Variants in CNMD observed in about 807,000 individuals in gnomAD.
CNMD encodes the protein chondromodulin.
A neutral mutation model predicts 37.5 loss-of-function variants in CNMD; 30 were observed. The ratio of observed to expected loss-of-function variants is 0.80; its 90% confidence interval spans 0.60 to 1.09. The LOEUF (loss-of-function observed/expected upper bound fraction) is 1.09. Among genes scored for constraint, CNMD ranks in the 50% least tolerant of loss-of-function variants. The pLI is 0.00. For synonymous variants in CNMD, 167 were observed against 148.2 expected (o/e 1.13, Z -0.92); for missense variants, 398 against 423.9 (o/e 0.94, Z 0.54).
chr13:52,712,861 C>A lies in CNMD; in HGVS notation c.477G>T (p.Lys159Asn). ...KQSISSKLEG[K>N]IMPVKYEENS... The stretch of plus-strand genomic sequence containing the variant: ...TTTCTTCATATTTGACTGGCATGAT[C>A]TTGCCTTCCTGAAAGTAAAAACGAT... The change falls in exon 5 of 7, where the codon AAG (lysine) becomes AAT (asparagine). Residue 159 changes from lysine to asparagine, a missense_variant. Physicochemically the swap from Lys to Asn is moderately conservative, Grantham distance 94. Transcript: ENST00000377962. 5 of 1,559,494 alleles carry A rather than the reference C, an allele frequency of 3.2e-6. No individual in the cohort carries two copies. The highest frequency in any genetic ancestry group is 3.5e-6 in the Non-Finnish European group (4 of 1,157,670).
intron 4 of CNMD, among the ~76,000 whole-genome samples, chr13:52,723,386 C>G (rs963749958): frequency 3.9e-5 from 6 of 152,176 alleles, no homozygotes; most frequent in Non-Finnish European, 8.8e-5. Context: ...AGCCACCATG[C>G]CTGCCTCTAT....
In CNMD at chr13:52,739,489, C is replaced by A; in HGVS notation, c.72+141G>T. 1.3e-6 allele frequency: 1 copy of A among 780,402 alleles called. No homozygotes were observed. Among genetic ancestry groups the A allele is most frequent in the African/African-American group, 1.7e-5 (1 of 58,586 alleles). The allele number at this position is 780,402 out of a possible 1,614,324, so 48.3% of individuals were successfully genotyped here. On this transcript the variant is annotated intron_variant, in intron 1 of 6. Transcript: ENST00000377962. This position sits in a 1 kb window ranked among gnomAD's most constrained non-coding sequence, Gnocchi z 5.4. ...CTGCACACTCATACGCGTGGGGCGA[C>A]ATCCCACCCACACATTTGGGACCCA...
At chr13:52,723,712 T>G (rs1964520761) in intron 4 of CNMD, among the ~76,000 whole-genome samples, 1 of 151,822 alleles carries the variant, frequency 6.6e-6, no homozygotes. Context: ...GGCAGGTCAC[T>G]TGAGGCCAGG....
chr13:52,730,944 A>T (rs1465509687), intron 3 of CNMD, among the ~76,000 whole-genome samples: 1 of 151,812 alleles, frequency 6.6e-6, no homozygotes, highest in Non-Finnish European at 1.5e-5. Context: ...ACAATTCAAA[A>T]CCTTTTATAA....
intron 2 of CNMD, among the ~76,000 whole-genome samples, chr13:52,735,347 C>T (rs1455936317): frequency 6.9e-6 from 1 of 145,754 alleles, no homozygotes. Flanking sequence ...GTGTCTTCCA[C>T]TCATATGACA....
intron 2 of CNMD, among the ~76,000 whole-genome samples, chr13:52,735,527 C>T (rs1364412094): frequency 1.3e-5 from 2 of 152,114 alleles, no homozygotes; most frequent in Admixed American, 6.5e-5. Flanking sequence ...TCCACCACTA[C>T]CCCTGGCTGT....
At chr13:52,736,516 G>C (rs946111941) in intron 2 of CNMD, among the ~76,000 whole-genome samples, 3 of 152,176 alleles carry the variant, frequency 2.0e-5, no homozygotes, top group African/African-American at 7.2e-5. Context: ...GGGAGGATGT[G>C]GGGGGAGGAG....
Position 52,712,726 on chromosome 13 carries a change from G to C in CNMD, c.612C>G (p.Thr204=), listed in dbSNP as rs747220935. 2.6e-6 allele frequency: 4 copies of C among 1,518,342 alleles called. No individual in the cohort carries two copies. In the South Asian group the frequency reaches 5.5e-5, roughly 21 times the overall value. 94.1% of individuals were successfully genotyped at this position (1,518,342 alleles called of 1,614,324 possible). A position where few individuals can be genotyped will look rare whatever the true frequency, so the allele number is the denominator to read the frequency against. ...AATTTAAAATGTTACCTTTTGGATA[G>C]GTTGGTTTAAGCCAGAAAATAGGAA... The part of the protein sequence containing the change: ...GDLPIFWLKP[T]YPKEIQRERR... Residue 204 remains threonine, a synonymous_variant, in exon 5 of 7, where the codon ACC becomes ACG. Transcript: ENST00000377962.
At chr13:52,711,261 G>A (rs1964285495) in intron 5 of CNMD, among the ~76,000 whole-genome samples, 1 of 152,130 alleles carries the variant, frequency 6.6e-6, no homozygotes, top group African/African-American at 2.4e-5. Context: ...GCAGACTCTT[G>A]TCCTCAGCTG....
intron 5 of CNMD, among the ~76,000 whole-genome samples, chr13:52,710,893 C>T (rs1337374880): frequency 6.6e-6 from 1 of 152,110 alleles, no homozygotes; most frequent in African/African-American, 2.4e-5. Context: ...GCTCTTTCCC[C>T]AAGTGAGAAA....
At chr13:52,708,848 T>TA (rs1964243580) in intron 5 of CNMD, 146 bp from the exon 6 acceptor site, 5 of 621,086 alleles carry the variant, frequency 8.1e-6, no homozygotes, top group Non-Finnish European at 1.1e-5. Context: ...ATGTTTGTAG[T>TA]AATAAAACAT....
intron 4 of CNMD, among the ~76,000 whole-genome samples, chr13:52,716,618 C>T (rs939450412): frequency 2.6e-5 from 4 of 152,086 alleles, no homozygotes; most frequent in Admixed American, 6.6e-5. Context: ...CTTTCCCCAT[C>T]GCTTGTTTTT....
intron 3 of CNMD, among the ~76,000 whole-genome samples, chr13:52,724,417 CAAAAAAAAA>C (rs71094319): frequency 8.2e-5 from 7 of 85,816 alleles, no homozygotes; most frequent in South Asian, 9.3e-4. Context: ...ACTAAAAATA[CAAAAAAAAA>C]AAAAAAAAAA....
chr13:52,709,258 A>G (rs1964250797), intron 5 of CNMD, among the ~76,000 whole-genome samples: 1 of 152,198 alleles, frequency 6.6e-6, no homozygotes, highest in Non-Finnish European at 1.5e-5. Context: ...CCAGCATGCT[A>G]CAGGTAGTAA....
intron 3 of CNMD, among the ~76,000 whole-genome samples, chr13:52,727,227 C>T (rs1964589742): frequency 6.6e-6 from 1 of 152,064 alleles, no homozygotes; most frequent in Non-Finnish European, 1.5e-5. Flanking sequence ...TGAAATGGCA[C>T]CACCGCACTT....
At chr13:52,704,672 T>C (rs1964145570) in intron 6 of CNMD, among the ~76,000 whole-genome samples, 1 of 152,168 alleles carries the variant, frequency 6.6e-6, no homozygotes, top group Admixed American at 6.5e-5. Context: ...TTTAAATTCT[T>C]GATTCAATTT....
intron 5 of CNMD, 76 bp from the exon 6 acceptor site, chr13:52,708,778 A>G (rs958227956): frequency 7.3e-6 from 9 of 1,231,684 alleles, no homozygotes; most frequent in Non-Finnish European, 1.0e-5. Flanking sequence ...CAGGGTGAAA[A>G]ACATAAGAAA....
chr13:52,724,417 CAAAAAAAA>C (rs71094319), intron 3 of CNMD, among the ~76,000 whole-genome samples: 9 of 85,850 alleles, frequency 1.0e-4, no homozygotes, highest in African/African-American at 4.4e-4. Context: ...ACTAAAAATA[CAAAAAAAA>C]AAAAAAAAAA....
chr13:52,739,197 C>G lies in CNMD; in HGVS notation c.73-26G>C. On this transcript the variant is annotated intron_variant, in intron 1 of 6. Coordinates refer to ENST00000377962, the MANE Select transcript of CNMD (RefSeq NM_007015.3). The surrounding 1 kb of genome is among the most constrained non-coding windows in gnomAD (Gnocchi z 5.4). ...CTGCGGGCCGGGGCGGGAGAGGGAC[C>G]GTCGCGTTTGTGCCGCCAGCACCTG... 2 of 1,453,296 alleles carry G rather than the reference C, an allele frequency of 1.4e-6. No homozygotes were observed. Among genetic ancestry groups the G allele is most frequent in the Non-Finnish European group, 9.0e-7 (1 of 1,107,536 alleles). The allele number at this position is 1,453,296 out of a possible 1,614,324, so 90.0% of individuals were successfully genotyped here. A position where few individuals can be genotyped will look rare whatever the true frequency, so the allele number is the denominator to read the frequency against.
Sources: gnomAD v4.1 joint callset for allele counts (sites outside exome capture counted in the v4.1 genomes callset) on GRCh38, gnomAD v4.1.1 for gene constraint, Gnocchi (gnomAD v3.1) non-coding constraint, MANE v1.5 for transcripts, NCBI Gene and HGNC (gene_info 2026-07-23, HGNC 2026-07-21) for gene names.